TENM4: variants seen among roughly 807,000 people sequenced by gnomAD.
TENM4 encodes teneurin transmembrane protein 4, also known as teneurin-4.
In TENM4, 82 loss-of-function variants were observed where a neutral mutation model predicts 243.3. That is an observed-to-expected ratio of 0.34 (90% CI 0.28 to 0.40). The LOEUF is 0.40. Ranked by LOEUF, TENM4 falls within the 10% of genes least tolerant of loss-of-function variation. The pLI is 1.00. For synonymous variants in TENM4, 1,412 were observed against 1,456.3 expected (o/e 0.97, Z 0.69); for missense variants, 3,138 against 3,673.3 (o/e 0.85, Z 3.77).
chr11:78,848,934 G>C (rs1858464845), intron 12 of TENM4, among the ~76,000 whole-genome samples: 2 of 152,172 alleles, frequency 1.3e-5, no homozygotes, highest in African/African-American at 4.8e-5. Context: ...ACCTGGATAC[G>C]AACAAAATGA....
chr11:79,370,808 AAG>A (rs1555056500), intron 1 of TENM4, among the ~76,000 whole-genome samples: 6 of 105,914 alleles, frequency 5.7e-5, no homozygotes, highest in African/African-American at 1.2e-4. Flanking sequence ...AAAAAAAAAA[AAG>A]TGATAAATTT....
chr11:78,860,943 C>T (rs1266186161), intron 10 of TENM4, among the ~76,000 whole-genome samples: 1 of 152,208 alleles, frequency 6.6e-6, no homozygotes, highest in Non-Finnish European at 1.5e-5. Context: ...ACCTAAACAA[C>T]CCACAGACTA....
At chr11:78,903,225 G>A in intron 7 of TENM4, 43 bp downstream of exon 7, 2 of 1,468,296 alleles carry the variant, frequency 1.4e-6, no homozygotes, top group Non-Finnish European at 1.8e-6. Flanking sequence ...CGGGCCCCGG[G>A]TGCCCACCCT....
At chr11:79,067,316 C>T (rs966380112) in intron 5 of TENM4, among the ~76,000 whole-genome samples, 3 of 152,146 alleles carry the variant, frequency 2.0e-5, no homozygotes, top group Non-Finnish European at 4.4e-5. Flanking sequence ...ATTCCTCAGT[C>T]GGCTTCCTGC....
chr11:79,035,124 C>A (rs1859344794), intron 6 of TENM4, among the ~76,000 whole-genome samples: 1 of 152,156 alleles, frequency 6.6e-6, no homozygotes, highest in Admixed American at 6.5e-5. Context: ...CTGAGCCAAG[C>A]AGTGCAGAGG....
intron 31 of TENM4, among the ~76,000 whole-genome samples, chr11:78,671,418 G>A (rs764992198): frequency 2.0e-4 from 30 of 152,226 alleles, no homozygotes; most frequent in Non-Finnish European, 3.4e-4. Flanking sequence ...ACAAAGCAGG[G>A]ATCTGGATAC....
At chr11:78,860,448 T>C (rs577947901) in intron 10 of TENM4, among the ~76,000 whole-genome samples, 1 of 152,372 alleles carries the variant, frequency 6.6e-6, no homozygotes, top group East Asian at 1.9e-4. Context: ...TCACACCACA[T>C]TGCTTTCTCC....
intron 12 of TENM4, among the ~76,000 whole-genome samples, chr11:78,833,513 C>G (rs765235829): frequency 2.0e-5 from 3 of 152,348 alleles, no homozygotes. Context: ...GTCAAACACA[C>G]CAGGTCATTT....
chr11:79,104,719 C>T (rs190858557), intron 4 of TENM4, among the ~76,000 whole-genome samples: 18 of 152,312 alleles, frequency 1.2e-4, no homozygotes, highest in South Asian at 2.1e-4. Flanking sequence ...TCCATTAAAA[C>T]GTTATTAGTG....
intron 6 of TENM4, among the ~76,000 whole-genome samples, chr11:78,904,865 T>C (rs2136333632): frequency 6.6e-6 from 1 of 152,310 alleles, no homozygotes; most frequent in African/African-American, 2.4e-5. Context: ...ATGAGGCAAG[T>C]TGTGGAGGTA....
intron 21 of TENM4, among the ~76,000 whole-genome samples, 191 bp downstream of exon 21, chr11:78,732,125 G>C (rs1036042631): frequency 2.6e-5 from 4 of 152,150 alleles, no homozygotes; most frequent in Non-Finnish European, 5.9e-5. Flanking sequence ...CCATGTGTAA[G>C]AGGGGTGCCC....
At chr11:78,940,725 GGA>G (rs1856873477) in intron 6 of TENM4, among the ~76,000 whole-genome samples, 1 of 152,156 alleles carries the variant, frequency 6.6e-6, no homozygotes, top group Non-Finnish European at 1.5e-5. Flanking sequence ...CCACTGGCTT[GGA>G]TATGCTTGGG....
chr11:79,020,340 G>A (rs1012277105), intron 6 of TENM4, among the ~76,000 whole-genome samples: 1 of 152,220 alleles, frequency 6.6e-6, no homozygotes, highest in East Asian at 1.9e-4. Flanking sequence ...AGCTCATGTC[G>A]CTAATTCTGT....
chr11:79,263,875 T>C (rs1855838939), intron 2 of TENM4, among the ~76,000 whole-genome samples: 1 of 152,132 alleles, frequency 6.6e-6, no homozygotes, highest in African/African-American at 2.4e-5. Flanking sequence ...CTTAACCACA[T>C]ATGAGAAAAG....
chr11:78,706,826 G>T (rs1197338808), intron 27 of TENM4, among the ~76,000 whole-genome samples: 2 of 151,872 alleles, frequency 1.3e-5, no homozygotes, highest in Non-Finnish European at 2.9e-5. Flanking sequence ...ACATCCTTAG[G>T]CCATGGCTTC....
intron 27 of TENM4, among the ~76,000 whole-genome samples, chr11:78,707,348 A>G (rs1859282271): frequency 6.6e-6 from 1 of 152,222 alleles, no homozygotes; most frequent in Non-Finnish European, 1.5e-5. Context: ...CCAAGTCATC[A>G]CAGGATGTAC....
At chr11:78,967,160 T>G (rs1857454879) in intron 6 of TENM4, among the ~76,000 whole-genome samples, 1 of 152,150 alleles carries the variant, frequency 6.6e-6, no homozygotes, top group Non-Finnish European at 1.5e-5. Flanking sequence ...CCCCTCTAGG[T>G]GCTCCCACAA....
At chr11:78,866,458 TAAAA>T (rs5792824) in intron 9 of TENM4, among the ~76,000 whole-genome samples, 4 of 130,620 alleles carry the variant, frequency 3.1e-5, no homozygotes, top group Non-Finnish European at 4.9e-5. Flanking sequence ...AGTCCTTGCT[TAAAA>T]AAAAAAAAAA....
At chr11:79,224,950 T>TA (rs1251828763) in intron 2 of TENM4, among the ~76,000 whole-genome samples, 25 of 141,376 alleles carry the variant, frequency 1.8e-4, no homozygotes, top group African/African-American at 2.3e-4. Flanking sequence ...AGACTCTGTC[T>TA]AAAAAAAAAA....
Sources: gnomAD v4.1 joint callset for allele counts (sites outside exome capture counted in the v4.1 genomes callset) on GRCh38, gnomAD v4.1.1 for gene constraint, MANE v1.5 for transcripts, NCBI Gene and HGNC (gene_info 2026-07-23, HGNC 2026-07-21) for gene names.